Variants in LRP1B observed in about 807,000 individuals in gnomAD.
LRP1B encodes low-density lipoprotein receptor-related protein 1B.
LRP1B carries 217 observed loss-of-function variants against 556.6 expected under a neutral mutation model. The ratio of observed to expected loss-of-function variants is 0.39; its 90% CI spans 0.35 to 0.44. The LOEUF is 0.44. Among genes scored for constraint, LRP1B ranks in the 20% least tolerant of loss-of-function variants. The pLI, the probability that LRP1B is intolerant of heterozygous loss-of-function variation, is 1.00. For missense variants in LRP1B, 5,053 were observed against 5,620.8 expected (o/e 0.90, Z 3.23); for synonymous variants, 2,047 against 1,865.8 (o/e 1.10, Z -2.50).
chr2:141,104,867 G>T (rs1327142032), intron 7 of LRP1B, among the ~76,000 whole-genome samples: 2 of 151,746 alleles, frequency 1.3e-5, no homozygotes, highest in Non-Finnish European at 2.9e-5. Context: ...TATGATTATT[G>T]AGTCTATGAT....
intron 3 of LRP1B, among the ~76,000 whole-genome samples, chr2:141,405,292 T>C (rs1283166838): frequency 1.3e-5 from 2 of 152,168 alleles, no homozygotes; most frequent in Non-Finnish European, 2.9e-5. Context: ...TAGAATCTTA[T>C]AGGGAATATC....
At chr2:141,136,565 T>C (rs1188051704) in intron 7 of LRP1B, among the ~76,000 whole-genome samples, 1 of 149,972 alleles carries the variant, frequency 6.7e-6, no homozygotes, top group Non-Finnish European at 1.5e-5. Flanking sequence ...TTCGAAACAA[T>C]TTAATAAGTT....
At chr2:141,974,954 A>G (rs745598645) in intron 1 of LRP1B, among the ~76,000 whole-genome samples, 5 of 152,214 alleles carry the variant, frequency 3.3e-5, no homozygotes, top group Middle Eastern at 6.8e-3. Context: ...CACTAGTGAA[A>G]GTTATATTGC....
chr2:140,904,336 T>C (rs1049185068), intron 22 of LRP1B, among the ~76,000 whole-genome samples: 2 of 152,160 alleles, frequency 1.3e-5, no homozygotes, highest in Non-Finnish European at 2.9e-5. Flanking sequence ...AGAAGCTTTG[T>C]CTTTCTTGGC....
chr2:141,045,351 C>A (rs1209779588), intron 11 of LRP1B, among the ~76,000 whole-genome samples: 2 of 150,778 alleles, frequency 1.3e-5, no homozygotes, highest in African/African-American at 4.9e-5. Flanking sequence ...AGCGCACCAG[C>A]ATGGCACATG....
chr2:142,058,562 T>A (rs577235875), intron 1 of LRP1B, among the ~76,000 whole-genome samples: 17 of 152,270 alleles, frequency 1.1e-4, no homozygotes, highest in African/African-American at 3.1e-4. Flanking sequence ...GCAATTTTTT[T>A]AGCTTATCTG....
chr2:141,742,256 T>TTTC lies in LRP1B; in HGVS notation c.205+68022_205+68023insGAA, dbSNP rs1491437461. Among the ~76,000 whole-genome samples, 4 of 54,796 alleles carry TTTC rather than the reference T, an allele frequency of 7.3e-5. No homozygotes were observed. In the East Asian group the frequency reaches 3.3e-3, roughly 45 times the overall value. 35.9% of individuals were successfully genotyped at this position (54,796 alleles called of 152,430 possible). On this transcript the variant is annotated intron_variant, in intron 2 of 90. Coordinates refer to ENST00000389484, the MANE Select transcript of LRP1B (RefSeq NM_018557.3). ...CTCCAGTTTTTTTTTTCTTTCTTTC[T>TTTC]TTTTTTTTTTTTTGAGAAGGAGTCT...
At chr2:141,626,807 G>A (rs1354686081) in intron 2 of LRP1B, among the ~76,000 whole-genome samples, 1 of 152,184 alleles carries the variant, frequency 6.6e-6, no homozygotes, top group Non-Finnish European at 1.5e-5. Flanking sequence ...ATTAAATGCA[G>A]ACAGGAATGC....
At chr2:140,766,859 T>TATATATTATATATATATA (rs1689137108) in intron 35 of LRP1B, among the ~76,000 whole-genome samples, 67 of 50,202 alleles carry the variant, frequency 1.3e-3, no homozygotes, top group African/African-American at 2.9e-3. Context: ...TATATATATA[T>TATATATTATATATATATA]ATATATAATA....
intron 7 of LRP1B, among the ~76,000 whole-genome samples, chr2:141,180,990 C>T (rs2105171668): frequency 6.6e-6 from 1 of 152,060 alleles, no homozygotes; most frequent in East Asian, 1.9e-4. Context: ...TAGACCATAA[C>T]TGATTTTTCT....
intron 2 of LRP1B, among the ~76,000 whole-genome samples, chr2:141,581,408 TA>T (rs1237348236): frequency 1.2e-4 from 19 of 152,320 alleles, no homozygotes; most frequent in South Asian, 4.1e-4. Flanking sequence ...TTACATCTTT[TA>T]TTTTTTTGGT....
chr2:141,254,689 A>C (rs1225355147), intron 3 of LRP1B, 48 bp from the exon 4 acceptor site: 1 of 1,421,160 alleles, frequency 7.0e-7, no homozygotes, highest in Admixed American at 1.9e-5. Flanking sequence ...TGTATATGTA[A>C]ATAGTTTGTA....
chr2:141,152,934 C>T (rs2105087987), intron 7 of LRP1B, among the ~76,000 whole-genome samples: 1 of 150,888 alleles, frequency 6.6e-6, no homozygotes, highest in South Asian at 2.1e-4. Context: ...ATCTAAAACT[C>T]AGGAAGCGAA....
chr2:141,120,779 C>T (rs984504453), intron 7 of LRP1B, among the ~76,000 whole-genome samples: 8 of 151,958 alleles, frequency 5.3e-5, no homozygotes, highest in African/African-American at 1.9e-4. Flanking sequence ...TTACTTTACT[C>T]ATTTAGCTAT....
chr2:141,810,092 GAAAA>G (rs1298589891), intron 2 of LRP1B, among the ~76,000 whole-genome samples, 183 bp downstream of exon 2: 2 of 77,434 alleles, frequency 2.6e-5, no homozygotes, highest in African/African-American at 7.2e-5. Context: ...AGGCTATTTG[GAAAA>G]AAGAAAGAAA....
At chr2:141,420,189 G>A (rs1005728195) in intron 3 of LRP1B, among the ~76,000 whole-genome samples, 2 of 152,158 alleles carry the variant, frequency 1.3e-5, no homozygotes, top group African/African-American at 4.8e-5. Flanking sequence ...TGGGTGCTCT[G>A]ATGTTGGACA....
At chr2:141,724,244 A>T (rs1692946687) in intron 2 of LRP1B, among the ~76,000 whole-genome samples, 4 of 152,008 alleles carry the variant, frequency 2.6e-5, no homozygotes, top group Non-Finnish European at 5.9e-5. Flanking sequence ...ACATATAAGG[A>T]TTCATGTAAG....
chr2:140,572,526 G>C (rs1681361258), intron 43 of LRP1B, among the ~76,000 whole-genome samples: 1 of 151,616 alleles, frequency 6.6e-6, no homozygotes, highest in East Asian at 1.9e-4. Context: ...CTCATATACT[G>C]TTGGTGGGAA....
intron 3 of LRP1B, among the ~76,000 whole-genome samples, chr2:141,360,782 C>T (rs16845926): frequency 0.06 from 9,193 of 152,126 alleles, 385 homozygotes; most frequent in African/African-American, 0.11. Context: ...CACTTTCATT[C>T]GCTATATAGG....
Sources: allele counts gnomAD v4.1 joint callset (sites outside exome capture counted in the v4.1 genomes callset), GRCh38; gene constraint gnomAD v4.1.1; transcripts MANE v1.5; gene names NCBI Gene and HGNC (gene_info 2026-07-23, HGNC 2026-07-21).